FAM135B: variants seen among roughly 807,000 people sequenced by gnomAD.
The protein encoded by FAM135B is family with sequence similarity 135 member B, also known as protein FAM135B.
Under a neutral mutation model 127.7 loss-of-function variants are expected in FAM135B, and 43 were observed. The observed-to-expected ratio is 0.34, with a 90% CI of 0.26 to 0.43. The LOEUF is 0.43. FAM135B is among the 20% of genes least tolerant of loss of function. The pLI is 1.00. For synonymous variants in FAM135B, 670 were observed against 665.1 expected, an observed-to-expected ratio of 1.01 and a Z score of -0.11; for missense variants, 1,558 against 1,725.6, an observed-to-expected ratio of 0.90 and a Z score of 1.72.
At chr8:138,211,036 C>T (rs1376838840) in intron 7 of FAM135B, among the ~76,000 whole-genome samples, 1 of 152,114 alleles carries the variant, frequency 6.6e-6, no homozygotes, top group Admixed American at 6.5e-5. Context: ...CAGAGCCATG[C>T]TCCTAATCAC....
intron 1 of FAM135B, among the ~76,000 whole-genome samples, chr8:138,403,834 A>C (rs967471916): frequency 2.6e-5 from 4 of 152,206 alleles, no homozygotes; most frequent in Admixed American, 2.0e-4. Context: ...AGAGGTTCTC[A>C]ACTAGATGTC....
At chr8:138,470,158 T>C (rs1837600087) in intron 1 of FAM135B, among the ~76,000 whole-genome samples, 1 of 152,180 alleles carries the variant, frequency 6.6e-6, no homozygotes, top group Admixed American at 6.6e-5. Context: ...AAAGAAGCAT[T>C]GACTCTCAGG....
chr8:138,305,378 C>A (rs1826170813), intron 3 of FAM135B, among the ~76,000 whole-genome samples: 1 of 152,040 alleles, frequency 6.6e-6, no homozygotes, highest in South Asian at 2.1e-4. Context: ...CTGATCAGCC[C>A]CCTAAGGGAA....
intron 2 of FAM135B, among the ~76,000 whole-genome samples, chr8:138,349,562 T>C (rs1829644484): frequency 6.6e-6 from 1 of 152,216 alleles, no homozygotes; most frequent in South Asian, 2.1e-4. Context: ...CACTTTTTCT[T>C]TCTTTCTTAA....
chr8:138,336,077 T>C (rs1828558276), intron 2 of FAM135B, among the ~76,000 whole-genome samples: 1 of 152,016 alleles, frequency 6.6e-6, no homozygotes, highest in Non-Finnish European at 1.5e-5. Flanking sequence ...AGACACAACA[T>C]ACCAGAATCT....
In FAM135B at chr8:138,177,252, CCTT is replaced by C. The variant is rs1334162324; in HGVS notation, c.1103+92_1103+94del. On this transcript the variant is annotated intron_variant, in intron 11 of 19. Transcript: ENST00000395297. Reference sequence around the variant, plus strand: ...AGTGCAGAGGTGGGCAGACTTCTCTCCTTCACTTCCAGTGAGAAAGTGAAGAGT... The same window carrying C: ...AGTGCAGAGGTGGGCAGACTTCTCTCCACTTCCAGTGAGAAAGTGAAGAGT... 13 of 1,172,804 alleles carry C rather than the reference CCTT, an allele frequency of 1.1e-5. No individual in the cohort carries two copies. In the African/African-American group the frequency reaches 1.4e-4, roughly 12 times the overall value. The allele number at this position is 1,172,804 out of a possible 1,614,324, so 72.6% of individuals were successfully genotyped here.
intron 11 of FAM135B, among the ~76,000 whole-genome samples, chr8:138,171,714 A>G (rs374372591): frequency 1.3e-5 from 2 of 152,212 alleles, no homozygotes; most frequent in East Asian, 3.9e-4. Flanking sequence ...TATGTGGGCA[A>G]TGAGGAAGCA....
chr8:138,146,234 C>T (rs933221387), intron 14 of FAM135B, among the ~76,000 whole-genome samples, 184 bp from the exon 15 acceptor site: 14 of 152,128 alleles, frequency 9.2e-5, no homozygotes, highest in African/African-American at 3.4e-4. Context: ...ACCCCTTGGC[C>T]CCCCACACTC....
intron 4 of FAM135B, among the ~76,000 whole-genome samples, chr8:138,259,368 C>A (rs1302505837): frequency 6.6e-6 from 1 of 152,216 alleles, no homozygotes; most frequent in African/African-American, 2.4e-5. Context: ...CATTTCATAT[C>A]TATGAGACCT....
intron 1 of FAM135B, among the ~76,000 whole-genome samples, chr8:138,488,568 A>G (rs2131693096): frequency 6.6e-6 from 1 of 152,332 alleles, no homozygotes; most frequent in Non-Finnish European, 1.5e-5. Flanking sequence ...ATCTGTCCCA[A>G]CCAGCAGTGT....
At chr8:138,249,509 T>C (rs1419493137) in intron 6 of FAM135B, among the ~76,000 whole-genome samples, 2 of 152,162 alleles carry the variant, frequency 1.3e-5, no homozygotes, top group African/African-American at 4.8e-5. Context: ...ACACTTTCCC[T>C]AGAGCACAGC....
At chr8:138,230,605 T>C (rs1276501670) in intron 7 of FAM135B, among the ~76,000 whole-genome samples, 1 of 152,174 alleles carries the variant, frequency 6.6e-6, no homozygotes, top group African/African-American at 2.4e-5. Context: ...TGGAATTCCT[T>C]GTTCCATGCC....
chr8:138,231,140 C>T (rs939922574), intron 7 of FAM135B, among the ~76,000 whole-genome samples: 13 of 152,092 alleles, frequency 8.5e-5, no homozygotes, highest in Admixed American at 6.6e-5. Flanking sequence ...CTGCCTCAGC[C>T]TCCCAGTGCT....
intron 7 of FAM135B, among the ~76,000 whole-genome samples, chr8:138,220,418 C>T (rs1484989658): frequency 1.3e-5 from 2 of 152,136 alleles, no homozygotes; most frequent in Non-Finnish European, 2.9e-5. Context: ...GTTGTTGAGC[C>T]TGGAGCCTCT....
intron 2 of FAM135B, among the ~76,000 whole-genome samples, chr8:138,322,414 A>T (rs1209814651): frequency 6.6e-6 from 1 of 152,166 alleles, no homozygotes; most frequent in Non-Finnish European, 1.5e-5. Context: ...GAGTCAATTT[A>T]GAGTCAAAAG....
intron 7 of FAM135B, among the ~76,000 whole-genome samples, chr8:138,227,538 T>C (rs762814883): frequency 2.6e-5 from 4 of 152,142 alleles, no homozygotes; most frequent in African/African-American, 4.8e-5. Flanking sequence ...TTATTATTGA[T>C]AGCTTTATTG....
chr8:138,211,362 C>G (rs1818129482), intron 7 of FAM135B, among the ~76,000 whole-genome samples: 1 of 152,188 alleles, frequency 6.6e-6, no homozygotes, highest in African/African-American at 2.4e-5. Context: ...GATGCACCGA[C>G]AGAGGGGTGG....
intron 1 of FAM135B, among the ~76,000 whole-genome samples, chr8:138,461,994 T>C (rs901588391): frequency 8.6e-5 from 13 of 151,824 alleles, no homozygotes; most frequent in East Asian, 3.9e-4. Context: ...CTGACTCAAC[T>C]CTATGACCAG....
chr8:138,310,390 G>A lies in FAM135B; in HGVS notation c.157+451C>T, dbSNP rs114836965. 7.0e-3 allele frequency among the ~76,000 whole-genome samples: 1,071 copies of A among 152,118 alleles called. 18 individuals are homozygous for A. Among genetic ancestry groups the A allele is most frequent in the African/African-American group, 0.024 (987 of 41,492 alleles). On this transcript the variant is annotated intron_variant, in intron 3 of 19. Transcript: ENST00000395297. Reference sequence around the variant, plus strand: ...CAAGATCAGGATCTGAGTTGTCCTTGGCAATCCTTCTCCTCAAGCTGGGAG... The same window carrying A: ...CAAGATCAGGATCTGAGTTGTCCTTAGCAATCCTTCTCCTCAAGCTGGGAG...
Sources: gnomAD v4.1 joint callset for allele counts (sites outside exome capture counted in the v4.1 genomes callset) on GRCh38, gnomAD v4.1.1 for gene constraint, MANE v1.5 for transcripts, NCBI Gene and HGNC (gene_info 2026-07-23, HGNC 2026-07-21) for gene names.